The following TPP2 variants were observed in gnomAD, a reference collection of about 807,000 sequenced individuals.
TPP2 encodes tripeptidyl-peptidase 2.
Under a neutral mutation model 155.9 loss-of-function variants are expected in TPP2, and 34 were observed. That is an observed-to-expected ratio of 0.22 (90% confidence interval 0.17 to 0.29). The LOEUF (loss-of-function observed/expected upper bound fraction) is 0.29. Ranked by LOEUF, TPP2 falls within the 10% of genes least tolerant of loss-of-function variation. The pLI is 1.00. For missense variants in TPP2, 1,028 were observed against 1,522.3 expected, an observed-to-expected ratio of 0.68 and a Z score of 5.40; for synonymous variants, 510 against 529.4, an observed-to-expected ratio of 0.96 and a Z score of 0.50.
Position 102,630,200 on chromosome 13 carries a change from G to A in TPP2, c.1244+5G>A. ...TTGGTCTTCTAGAGGACCTAGGTAG[G>A]TGCAGGTAGAACGCGGAACCATTAC... On this transcript the variant is annotated splice_donor_5th_base_variant and intron_variant, in intron 10 of 29. Transcript: ENST00000376052. 1 of 1,607,674 alleles carries A rather than the reference G, an allele frequency of 6.2e-7. No homozygotes were observed. Among genetic ancestry groups the A allele is most frequent in the Non-Finnish European group, 8.5e-7 (1 of 1,174,760 alleles).
chr13:102,615,697 T>C (rs1880665789), intron 3 of TPP2, among the ~76,000 whole-genome samples: 1 of 152,186 alleles, frequency 6.6e-6, no homozygotes, highest in Admixed American at 6.5e-5. Context: ...AGCTGTAGTC[T>C]TACTCTAGTC....
intron 13 of TPP2, 57 bp downstream of exon 13, chr13:102,636,449 G>A (rs1309603423): frequency 6.5e-7 from 1 of 1,544,338 alleles, no homozygotes; most frequent in African/African-American, 1.4e-5. Context: ...TGAATGAGTG[G>A]TATCATAATA....
At chr13:102,604,406 A>G (rs1008557361) in intron 1 of TPP2, among the ~76,000 whole-genome samples, 1 of 152,026 alleles carries the variant, frequency 6.6e-6, no homozygotes, top group Non-Finnish European at 1.5e-5. Flanking sequence ...TTTTTTCCCT[A>G]ATACCCAGTG....
At chr13:102,644,731 T>C in intron 18 of TPP2, 58 bp downstream of exon 18, 2 of 1,490,706 alleles carry the variant, frequency 1.3e-6, no homozygotes, top group Admixed American at 1.9e-5. Flanking sequence ...TACTGGAGAG[T>C]AACTTCATTG....
chr13:102,678,383 T>A lies in TPP2; in HGVS notation c.*67T>A, dbSNP rs1885421822. ...TAGTGAATGGGTATAAAAACAAATT[T>A]GTGGCATTTTTAGTCTAATGCATGT... On this transcript the variant is annotated 3_prime_UTR_variant, in exon 30 of 30. Transcript: ENST00000376052. 6.9e-7 allele frequency: 1 copy of A among 1,439,418 alleles called. No individual in the cohort carries two copies. The highest frequency in any genetic ancestry group is 9.7e-7 in the Non-Finnish European group (1 of 1,034,464). 89.2% of individuals were successfully genotyped at this position (1,439,418 alleles called of 1,614,324 possible).
At chr13:102,631,490 G>A (rs1226216659) in intron 10 of TPP2, 1 of 152,150 alleles carries the variant, frequency 6.6e-6, no homozygotes, top group Non-Finnish European at 1.5e-5. Context: ...TTTTTGTTCA[G>A]TTAATAAAAG....
chr13:102,662,392 G>C (rs1316433426), intron 25 of TPP2, among the ~76,000 whole-genome samples: 1 of 152,076 alleles, frequency 6.6e-6, no homozygotes, highest in African/African-American at 2.4e-5. Context: ...CACTTAAAAT[G>C]GGAAAATTGT....
intron 21 of TPP2, among the ~76,000 whole-genome samples, chr13:102,648,429 CGTGTGT>C (rs56934655): frequency 5.7e-4 from 85 of 148,068 alleles, no homozygotes; most frequent in Middle Eastern, 3.5e-3. Context: ...ATAAGTTACA[CGTGTGT>C]GTGTGTGTGT....
At chr13:102,608,485 T>G (rs1301708807) in intron 2 of TPP2, among the ~76,000 whole-genome samples, 1 of 152,162 alleles carries the variant, frequency 6.6e-6, no homozygotes, top group Non-Finnish European at 1.5e-5. Context: ...CCTCCAATTT[T>G]TAAATTTTTT....
intron 1 of TPP2, among the ~76,000 whole-genome samples, chr13:102,601,279 G>T (rs1422470145): frequency 6.6e-6 from 1 of 152,114 alleles, no homozygotes; most frequent in East Asian, 1.9e-4. Context: ...TTGCTTAAAA[G>T]AATATTTTCA....
At chr13:102,672,251 T>G (rs1885029481) in intron 27 of TPP2, among the ~76,000 whole-genome samples, 1 of 152,132 alleles carries the variant, frequency 6.6e-6, no homozygotes, top group Admixed American at 6.5e-5. Context: ...TCGCATTTAT[T>G]TAGTACAGAA....
In TPP2 at chr13:102,614,118, A is replaced by G; in HGVS notation, c.312A>G (p.Thr104=). 6.2e-7 allele frequency: 1 copy of G among 1,613,376 alleles called. No homozygotes were observed. The highest frequency in any genetic ancestry group is 8.5e-7 in the Non-Finnish European group (1 of 1,179,700). ...TTCTGTAGATTCCTGCAAGCTGGAC[A>G]AATCCCTCAGGCAAATATCATATTG... The part of the protein sequence containing the change: ...GRVLKIPASW[T]NPSGKYHIGI... Residue 104 remains threonine (T), a synonymous_variant, in exon 3 of 30, where the codon ACA becomes ACG. Transcript: ENST00000376052.
intron 10 of TPP2, among the ~76,000 whole-genome samples, chr13:102,633,425 A>T (rs1310100649): frequency 6.6e-6 from 1 of 152,236 alleles, no homozygotes; most frequent in South Asian, 2.1e-4. Flanking sequence ...TATTAATTAC[A>T]TGTTGAAATG....
chr13:102,639,412 G>A (rs896186339), intron 15 of TPP2, among the ~76,000 whole-genome samples: 1 of 152,138 alleles, frequency 6.6e-6, no homozygotes, highest in Non-Finnish European at 1.5e-5. Flanking sequence ...GAAAAATTGT[G>A]CAACAGTTAA....
chr13:102,610,263 C>G (rs546218158), intron 2 of TPP2, among the ~76,000 whole-genome samples: 1 of 151,986 alleles, frequency 6.6e-6, no homozygotes, highest in Non-Finnish European at 1.5e-5. Flanking sequence ...GAGTCTTGCT[C>G]TGTCGTCCAG....
intron 21 of TPP2, among the ~76,000 whole-genome samples, chr13:102,647,680 G>A (rs549590234): frequency 3.2e-4 from 48 of 152,250 alleles, no homozygotes; most frequent in African/African-American, 1.1e-3. Context: ...GCATCAAAGA[G>A]ATGCGAGCCT....
intron 25 of TPP2, among the ~76,000 whole-genome samples, chr13:102,662,221 A>C (rs1172527194): frequency 6.6e-6 from 1 of 152,184 alleles, no homozygotes; most frequent in East Asian, 1.9e-4. Flanking sequence ...ATCTATAGAG[A>C]TAGAAAGTAG....
chr13:102,609,618 G>A (rs9557889), intron 2 of TPP2, among the ~76,000 whole-genome samples: 1 of 151,686 alleles, frequency 6.6e-6, no homozygotes, highest in Non-Finnish European at 1.5e-5. Flanking sequence ...GCTGGTCTCA[G>A]ACTCCTGACC....
Position 102,614,094 on chromosome 13 carries a change from T to TC in TPP2, c.295-6dup. 2.5e-6 allele frequency: 4 copies of TC among 1,611,470 alleles called. No homozygotes were observed. The highest frequency in any genetic ancestry group is 3.4e-6 in the Non-Finnish European group (4 of 1,179,050). ...GAATGAACAGGTTACTCTTTTTTTT[T>TC]CTGTAGATTCCTGCAAGCTGGACAA... is the stretch of plus-strand genomic sequence containing the variant. On this transcript the variant is annotated splice_region_variant and splice_polypyrimidine_tract_variant and intron_variant, in intron 2 of 29. Coordinates refer to ENST00000376052, the MANE Select transcript of TPP2 (RefSeq NM_001330588.2).
Sources: gnomAD v4.1 joint callset for allele counts (sites outside exome capture counted in the v4.1 genomes callset) on GRCh38, gnomAD v4.1.1 for gene constraint, MANE v1.5 for transcripts, NCBI Gene and HGNC (gene_info 2026-07-23, HGNC 2026-07-21) for gene names.